The following CNTNAP5 variants were observed in gnomAD, a reference collection of about 807,000 sequenced individuals.
CNTNAP5 encodes the protein contactin-associated protein-like 5.
CNTNAP5 carries 72 observed loss-of-function variants against 150.2 expected under a neutral mutation model. The ratio of observed to expected loss-of-function variants is 0.48; its 90% CI spans 0.40 to 0.58. The LOEUF (loss-of-function observed/expected upper bound fraction) is 0.58, where lower values mean the gene tolerates loss of function less well. Among genes scored for constraint, CNTNAP5 ranks in the 20% least tolerant of loss-of-function variants. The pLI is 0.00. For synonymous variants in CNTNAP5, 672 were observed against 619.8 expected, an observed-to-expected ratio of 1.08 and a Z score of -1.25; for missense variants, 1,636 against 1,626.2, an observed-to-expected ratio of 1.01 and a Z score of -0.10.
chr2:124,675,281 T>C (rs1678915220), intron 13 of CNTNAP5, among the ~76,000 whole-genome samples: 1 of 152,132 alleles, frequency 6.6e-6, no homozygotes, highest in African/African-American at 2.4e-5. Context: ...GTTAGCTCTC[T>C]TTTATAGTTA....
intron 1 of CNTNAP5, among the ~76,000 whole-genome samples, chr2:124,081,262 C>A (rs1172685141): frequency 6.6e-6 from 1 of 151,948 alleles, no homozygotes; most frequent in Non-Finnish European, 1.5e-5. Context: ...ATTAGAACCA[C>A]CCTTTGGGAA....
chr2:124,271,779 A>G (rs1687767442), intron 3 of CNTNAP5, among the ~76,000 whole-genome samples: 1 of 151,894 alleles, frequency 6.6e-6, no homozygotes, highest in African/African-American at 2.4e-5. Flanking sequence ...CATTGGCACG[A>G]TCTCGGCTCA....
At chr2:124,858,905 A>T (rs1225173802) in intron 19 of CNTNAP5, among the ~76,000 whole-genome samples, 1 of 152,198 alleles carries the variant, frequency 6.6e-6, no homozygotes, top group East Asian at 1.9e-4. Flanking sequence ...ATAAAAATTA[A>T]TTCAAGATGA....
chr2:124,413,449 T>C (rs374636732), intron 3 of CNTNAP5, among the ~76,000 whole-genome samples: 4 of 133,578 alleles, frequency 3.0e-5, no homozygotes, highest in Non-Finnish European at 4.9e-5. Flanking sequence ...TATTGCGGCA[T>C]TATTCACAAT....
intron 19 of CNTNAP5, among the ~76,000 whole-genome samples, chr2:124,847,853 C>A (rs1030890333): frequency 6.6e-6 from 1 of 152,050 alleles, no homozygotes; most frequent in Non-Finnish European, 1.5e-5. Context: ...GGAAAATAAC[C>A]TTAATGTTTA....
intron 13 of CNTNAP5, among the ~76,000 whole-genome samples, chr2:124,700,507 C>A (rs1297034003): frequency 6.6e-6 from 1 of 152,108 alleles, no homozygotes; most frequent in Non-Finnish European, 1.5e-5. Context: ...TTCTCCACAA[C>A]CTTGCCAACA....
intron 3 of CNTNAP5, among the ~76,000 whole-genome samples, chr2:124,268,924 G>T (rs1687677520): frequency 6.6e-6 from 1 of 152,100 alleles, no homozygotes; most frequent in Non-Finnish European, 1.5e-5. Context: ...GGAAAGGCAG[G>T]GGGAGGGAAG....
At chr2:124,549,276 A>G (rs1695579973) in intron 10 of CNTNAP5, among the ~76,000 whole-genome samples, 1 of 152,176 alleles carries the variant, frequency 6.6e-6, no homozygotes, top group Non-Finnish European at 1.5e-5. Flanking sequence ...TCTCCATTGG[A>G]AAATGAAACC....
At chr2:124,057,445 C>A (rs1431947943) in intron 1 of CNTNAP5, among the ~76,000 whole-genome samples, 1 of 41,604 alleles carries the variant, frequency 2.4e-5, no homozygotes, top group East Asian at 6.9e-4. Flanking sequence ...GCACGGCCAG[C>A]TAATTTTTTT....
chr2:124,521,019 G>A (rs1694836477), intron 8 of CNTNAP5, among the ~76,000 whole-genome samples: 1 of 152,186 alleles, frequency 6.6e-6, no homozygotes, highest in Admixed American at 6.5e-5. Flanking sequence ...AGCTGGGGAT[G>A]TACCACTTCA....
intron 21 of CNTNAP5, among the ~76,000 whole-genome samples, chr2:124,874,517 TTTTAA>T (rs1259460233): frequency 2.6e-5 from 4 of 152,050 alleles, no homozygotes; most frequent in Non-Finnish European, 4.4e-5. Context: ...CCTTTTTTGT[TTTTAA>T]TTTATTTTTT....
At chr2:124,561,112 G>T (rs530815009) in intron 10 of CNTNAP5, among the ~76,000 whole-genome samples, 11 of 149,500 alleles carry the variant, frequency 7.4e-5, no homozygotes, top group Admixed American at 6.0e-4. Context: ...GTGTTTACGT[G>T]TGTGCTGTGG....
At chr2:124,622,228 T>C (rs1354308304) in intron 12 of CNTNAP5, among the ~76,000 whole-genome samples, 1 of 152,140 alleles carries the variant, frequency 6.6e-6, no homozygotes, top group East Asian at 1.9e-4. Flanking sequence ...GTGTTTGGTT[T>C]TCCTGTTCCT....
At chr2:124,439,777 C>T (rs551130373) in intron 5 of CNTNAP5, among the ~76,000 whole-genome samples, 2 of 152,276 alleles carry the variant, frequency 1.3e-5, no homozygotes, top group East Asian at 3.9e-4. Flanking sequence ...GGTACCTTTA[C>T]AATACTGGCT....
rs908903957 is a variant in CNTNAP5, at chr2:124,915,002, A to G, written c.*714A>G. 4 of 153,036 alleles carry G rather than the reference A, an allele frequency of 2.6e-5. No homozygotes were observed. Among genetic ancestry groups the G allele is most frequent in the Non-Finnish European group, 4.4e-5 (3 of 67,988 alleles). The allele number at this position is 153,036 out of a possible 1,614,324, so 9.5% of individuals were successfully genotyped here. ...ACCATAGCATAAAGCTAGGGGATGC[A>G]TGGAAATAGCAGCTTGAAACTAGGA... On this transcript the variant is annotated 3_prime_UTR_variant, in exon 24 of 24. Transcript: ENST00000682447.
intron 1 of CNTNAP5, among the ~76,000 whole-genome samples, chr2:124,045,293 C>CTTTT (rs5834033): frequency 1.4e-5 from 2 of 138,432 alleles, no homozygotes; most frequent in East Asian, 2.1e-4. Context: ...TTTTCTTTTC[C>CTTTT]TTTTTTTTTT....
intron 6 of CNTNAP5, among the ~76,000 whole-genome samples, chr2:124,470,556 A>T (rs916075653): frequency 2.0e-5 from 3 of 151,982 alleles, no homozygotes; most frequent in African/African-American, 7.3e-5. Context: ...TGCTGTGCAG[A>T]TGCTCTTTAG....
At chr2:124,377,631 C>T (rs1407988699) in intron 3 of CNTNAP5, among the ~76,000 whole-genome samples, 3 of 150,236 alleles carry the variant, frequency 2.0e-5, no homozygotes, top group South Asian at 2.1e-4. Context: ...GCCAAGGTCT[C>T]GCCATTGTAC....
In CNTNAP5 at chr2:124,699,842, T is replaced by C. The variant is rs556306243; in HGVS notation, c.2078-47387T>C. ...TCTTTCTTTCCTTCTCTTTCTTTCT[T>C]CTCTTCTTAGATATAATTCATATAT... On this transcript the variant is annotated intron_variant, in intron 13 of 23. Transcript: ENST00000682447. 9.2e-5 allele frequency among the ~76,000 whole-genome samples: 14 copies of C among 152,216 alleles called. No individual in the cohort carries two copies. In the South Asian group the frequency reaches 2.5e-3, roughly 27 times the overall value.
Sources: allele counts gnomAD v4.1 joint callset (sites outside exome capture counted in the v4.1 genomes callset), GRCh38; gene constraint gnomAD v4.1.1; transcripts MANE v1.5; gene names NCBI Gene and HGNC (gene_info 2026-07-23, HGNC 2026-07-21).